Variants in MIPOL1 observed in about 807,000 individuals in gnomAD.
MIPOL1 encodes the protein mirror-image polydactyly gene 1 protein.
MIPOL1 carries 57 observed loss-of-function variants against 60.9 expected under a neutral mutation model. The ratio of observed to expected loss-of-function variants is 0.94; its 90% CI spans 0.76 to 1.17. The LOEUF is 1.17. Ranked by LOEUF, MIPOL1 falls within the 50% of genes most tolerant of loss-of-function variation. The pLI is 0.00. For missense variants in MIPOL1, 551 were observed against 511.6 expected (o/e 1.08, Z -0.74); for synonymous variants, 179 against 168.8 (o/e 1.06, Z -0.47).
At chr14:37,369,699 C>G in intron 10 of MIPOL1, 75 bp downstream of exon 10, 1 of 1,048,254 alleles carries the variant, frequency 9.5e-7, no homozygotes, top group South Asian at 1.4e-5. Context: ...CTGCATATAT[C>G]AGTTGTGTAC....
chr14:37,328,595 G>A (rs947898528), intron 9 of MIPOL1, among the ~76,000 whole-genome samples: 3 of 152,108 alleles, frequency 2.0e-5, no homozygotes, highest in Admixed American at 6.5e-5. Context: ...TTTCTTGTCA[G>A]ATTACCATAA....
chr14:37,254,296 AAAATGGAATGAAAAAAC>A (rs1974569450), intron 3 of MIPOL1, among the ~76,000 whole-genome samples: 1 of 151,816 alleles, frequency 6.6e-6, no homozygotes, highest in Non-Finnish European at 1.5e-5. Flanking sequence ...ACTGAGTAGA[AAAATGGAATGAAAAAAC>A]AAAAAATGTT....
intron 3 of MIPOL1, among the ~76,000 whole-genome samples, chr14:37,250,915 AAG>A (rs1235674364): frequency 6.6e-6 from 1 of 152,138 alleles, no homozygotes; most frequent in African/African-American, 2.4e-5. Flanking sequence ...TTTTAAGTCA[AAG>A]AGTTGATAAG....
At chr14:37,440,797 T>C (rs2153566130) in intron 11 of MIPOL1, among the ~76,000 whole-genome samples, 1 of 152,286 alleles carries the variant, frequency 6.6e-6, no homozygotes, top group African/African-American at 2.4e-5. Flanking sequence ...TATTGCTGGA[T>C]CAAATAGTAG....
intron 1 of MIPOL1, among the ~76,000 whole-genome samples, chr14:37,202,663 T>G (rs1008884547): frequency 6.6e-6 from 1 of 152,208 alleles, no homozygotes. Context: ...TGTACGATCA[T>G]CCTTAGGTGA....
At chr14:37,367,121 T>G (rs1265989686) in intron 9 of MIPOL1, among the ~76,000 whole-genome samples, 10 of 152,090 alleles carry the variant, frequency 6.6e-5, no homozygotes. Flanking sequence ...TATGAAATTA[T>G]AGAGTGACAG....
chr14:37,255,803 A>G (rs1974826123), intron 3 of MIPOL1, among the ~76,000 whole-genome samples: 1 of 151,828 alleles, frequency 6.6e-6, no homozygotes, highest in Non-Finnish European at 1.5e-5. Context: ...TTGTGTTGAA[A>G]AGATGCAAAC....
intron 9 of MIPOL1, among the ~76,000 whole-genome samples, chr14:37,331,220 A>G (rs922323778): frequency 6.6e-6 from 1 of 151,738 alleles, no homozygotes; most frequent in Admixed American, 6.6e-5. Context: ...TACTCTTGGA[A>G]TCTGCTTTGA....
At chr14:37,299,226 TC>T (rs1458164026) in intron 7 of MIPOL1, among the ~76,000 whole-genome samples, 1 of 149,696 alleles carries the variant, frequency 6.7e-6, no homozygotes, top group Non-Finnish European at 1.5e-5. Context: ...ATGTTCTCAC[TC>T]ATAGGTGAGA....
At chr14:37,214,350 T>A (rs1329081046) in intron 1 of MIPOL1, among the ~76,000 whole-genome samples, 1 of 151,642 alleles carries the variant, frequency 6.6e-6, no homozygotes. Flanking sequence ...AGGCATAGAG[T>A]TTTTATTAGT....
chr14:37,530,942 C>T (rs182019755), intron 12 of MIPOL1, among the ~76,000 whole-genome samples: 3 of 151,980 alleles, frequency 2.0e-5, no homozygotes, highest in Admixed American at 2.0e-4. Context: ...CTCAGCCCCC[C>T]GAGTAGCTGA....
chr14:37,345,619 T>C (rs7154271), intron 9 of MIPOL1, among the ~76,000 whole-genome samples: 12,953 of 152,168 alleles, frequency 0.085, 838 homozygotes, highest in East Asian at 0.32. Context: ...TACACTCTTG[T>C]TCCAGATCTG....
Position 37,200,120 on chromosome 14 carries a change from C to T in MIPOL1, c.-199+2016C>T, listed in dbSNP as rs1248890000. 3.3e-5 allele frequency among the ~76,000 whole-genome samples: 5 copies of T among 152,196 alleles called. No individual in the cohort carries two copies. In the South Asian group the frequency reaches 1.0e-3, roughly 32 times the overall value. ...ATGTGTTTACTGGCATTTGGATATC[C>T]TCTATTTCTGTAAGGGACCAGACAA... On this transcript the variant is annotated intron_variant, in intron 1 of 12. Transcript: ENST00000684589.
chr14:37,258,674 G>T (rs1485298408), intron 3 of MIPOL1, among the ~76,000 whole-genome samples: 1 of 151,994 alleles, frequency 6.6e-6, no homozygotes, highest in Non-Finnish European at 1.5e-5. Flanking sequence ...CTATTATATT[G>T]TGCTCATTGC....
intron 12 of MIPOL1, among the ~76,000 whole-genome samples, chr14:37,520,029 T>C (rs2095401622): frequency 6.6e-6 from 1 of 152,198 alleles, no homozygotes; most frequent in South Asian, 2.1e-4. Flanking sequence ...AACAGGGGCC[T>C]GATTGCCTTC....
At chr14:37,304,562 TTAGAA>T (rs1473143946) in intron 7 of MIPOL1, among the ~76,000 whole-genome samples, 1 of 151,712 alleles carries the variant, frequency 6.6e-6, no homozygotes, top group African/African-American at 2.4e-5. Flanking sequence ...AATTTTCTGA[TTAGAA>T]TAAAAGCCAA....
At chr14:37,506,969 A>C (rs1294696136) in intron 12 of MIPOL1, 1 of 152,242 alleles carries the variant, frequency 6.6e-6, no homozygotes, top group African/African-American at 2.4e-5. Flanking sequence ...TTCTCAAAAG[A>C]AGATATTTAT....
rs1390850293 is a variant in MIPOL1, at chr14:37,445,591, C to T, written c.1031+22642C>T. ...AAACTACTTTAAAGTTCATATGGAA[C>T]CAAAAAAGAGCCCGCATCGCCAAGT... On this transcript the variant is annotated intron_variant, in intron 11 of 12. Coordinates refer to ENST00000684589, the MANE Select transcript of MIPOL1 (RefSeq NM_001388067.1). Among the ~76,000 whole-genome samples, 25 of 151,558 alleles carry T rather than the reference C, an allele frequency of 1.6e-4. No individual in the cohort carries two copies. The East Asian group carries it at 4.9e-3, about 30-fold the overall frequency.
chr14:37,370,637 G>C (rs532814434), intron 10 of MIPOL1, among the ~76,000 whole-genome samples: 1 of 152,064 alleles, frequency 6.6e-6, no homozygotes, highest in East Asian at 1.9e-4. Context: ...TACGAGATTT[G>C]GTGGAAGTCA....
Sources: gnomAD v4.1 joint callset for allele counts (sites outside exome capture counted in the v4.1 genomes callset) on GRCh38, gnomAD v4.1.1 for gene constraint, MANE v1.5 for transcripts, NCBI Gene and HGNC (gene_info 2026-07-23, HGNC 2026-07-21) for gene names.